Variants in IKZF4 observed in about 807,000 individuals in gnomAD.
The protein encoded by IKZF4 is IKAROS family zinc finger 4.
IKZF4 carries 11 observed loss-of-function variants against 47.7 expected under a neutral mutation model. The observed-to-expected ratio is 0.23, with a 90% CI of 0.15 to 0.38. The LOEUF is 0.38. Among genes scored for constraint, IKZF4 ranks in the 10% least tolerant of loss-of-function variants. The pLI is 1.00. For synonymous variants in IKZF4, 298 were observed against 299.4 expected (o/e 1.00, Z 0.05); for missense variants, 557 against 784.9 (o/e 0.71, Z 3.47).
Position 56,008,696 on chromosome 12 carries a change from C to A in IKZF4, c.-292+962C>A, listed in dbSNP as rs1242828721. Among the ~76,000 whole-genome samples, 4 of 109,046 alleles carry A rather than the reference C, an allele frequency of 3.7e-5. No individual in the cohort carries two copies. The South Asian group carries it at 1.2e-3, about 32-fold the overall frequency. The allele number at this position is 109,046 out of a possible 152,430, so 71.5% of individuals were successfully genotyped here. On this transcript the variant is annotated intron_variant, in intron 1 of 11. Transcript: ENST00000262032. ...ATTTTTTTTTTTTTTTTTTTTGAGACGGAGTTTCACTCTTGTTGCCCAGGC... is the reference window on the plus strand; with the variant it reads ...ATTTTTTTTTTTTTTTTTTTTGAGAAGGAGTTTCACTCTTGTTGCCCAGGC...
rs375886702 is a variant in IKZF4 at position 56,035,341 on chromosome 12, C to T, written c.*10C>T. 1 of 1,597,556 alleles carries T rather than the reference C, an allele frequency of 6.3e-7. No individual in the cohort carries two copies. Among genetic ancestry groups the T allele is most frequent in the Non-Finnish European group, 8.5e-7 (1 of 1,171,088 alleles). ...GCATAAGGTGGGCTAGCAACCTCTC[C>T]CTCTCTCCTCAGTCCACCACTCCAC... is the stretch of plus-strand genomic sequence containing the variant. On this transcript the variant is annotated 3_prime_UTR_variant, in exon 8 of 8. Transcript: ENST00000547167. The surrounding 1 kb of genome is among the most constrained non-coding windows in gnomAD (Gnocchi z 6.1).
At chr12:56,015,958 A>C (rs1463359562) in intron 2 of IKZF4, among the ~76,000 whole-genome samples, 1 of 152,166 alleles carries the variant, frequency 6.6e-6, no homozygotes, top group South Asian at 2.1e-4. Flanking sequence ...AGTCCATCCC[A>C]GGAAGGATGT....
At chr12:56,008,671 A>ATTTTT (rs11456606) in intron 1 of IKZF4, among the ~76,000 whole-genome samples, 2 of 124,600 alleles carry the variant, frequency 1.6e-5, no homozygotes, top group African/African-American at 3.1e-5. Flanking sequence ...CTTCCAGGAA[A>ATTTTT]TTTTTTTTTT....
chr12:56,014,724 G>A (rs1223750962), intron 2 of IKZF4, among the ~76,000 whole-genome samples: 2 of 151,782 alleles, frequency 1.3e-5, no homozygotes, highest in African/African-American at 2.4e-5. Context: ...TTGAACCCGG[G>A]AGCCAAACTC....
At chr12:56,032,880 G>T (rs930742568) in intron 6 of IKZF4, among the ~76,000 whole-genome samples, 170 bp downstream of exon 6, 1 of 152,240 alleles carries the variant, frequency 6.6e-6, no homozygotes, top group African/African-American at 2.4e-5. Context: ...AGTTGGTGGA[G>T]AGCCTTGTCT....
In IKZF4 at chr12:56,021,166, G is replaced by A; in HGVS notation, c.-328G>A. 3.2e-6 allele frequency: 4 copies of A among 1,260,592 alleles called. No homozygotes were observed. The highest frequency in any genetic ancestry group is 4.0e-6 in the Non-Finnish European group (4 of 997,864). 78.1% of individuals were successfully genotyped at this position (1,260,592 alleles called of 1,614,324 possible). ...CACCACCCACCCCCTTCACTGTCTT[G>A]GAAAAGGGATGCTGTAGCCTAGCAT... On this transcript the variant is annotated 5_prime_UTR_variant, in exon 1 of 8. Transcript: ENST00000547167.
chr12:56,027,078 G>T (rs1177122553), intron 4 of IKZF4, 37 bp downstream of exon 4: 13 of 1,464,898 alleles, frequency 8.9e-6, no homozygotes, highest in Non-Finnish European at 1.2e-5. Flanking sequence ...GGAGCTCCCA[G>T]GGTGGGGTTG....
chr12:56,018,301 A>G, upstream of IKZF4: 1 of 590,562 alleles, frequency 1.7e-6, no homozygotes, highest in Non-Finnish European at 2.7e-6. Context: ...GCTAACACTC[A>G]TGCTTGGTGG....
At position 56,033,873 on chromosome 12, in the gene IKZF4, C is replaced by T. The variant is rs779731285; in HGVS notation, c.997+552C>T. On this transcript the variant is annotated intron_variant, in intron 7 of 7. Transcript: ENST00000547167. The stretch of plus-strand genomic sequence containing the variant: ...TCGTGGTGGTTGTAAGGGACAGGGT[C>T]GAGGCATCGGGCTGTCTCAGTTTTT... 3.5e-3 allele frequency among the ~76,000 whole-genome samples: 537 copies of T among 152,042 alleles called. 7 individuals carry two copies. Among genetic ancestry groups the T allele is most frequent in the Non-Finnish European group, 3.7e-3 (254 of 67,976 alleles).
intron 5 of IKZF4, among the ~76,000 whole-genome samples, chr12:56,031,821 A>G (rs1169627756): frequency 1.3e-5 from 2 of 152,180 alleles, no homozygotes; most frequent in African/African-American, 4.8e-5. Flanking sequence ...ATAAACAAAC[A>G]AACCCAAATT....
intron 2 of IKZF4, chr12:56,011,539 C>T (rs1891326781): frequency 6.6e-6 from 1 of 152,128 alleles, no homozygotes; most frequent in African/African-American, 2.4e-5. Flanking sequence ...CAGCTCTTAC[C>T]CCTTTTTATT....
chr12:56,024,024 T>C (rs1893528411), intron 2 of IKZF4: 5 of 712,034 alleles, frequency 7.0e-6, no homozygotes, highest in Non-Finnish European at 8.6e-6. Context: ...TTTATCTACA[T>C]GTATTTTTAT....
At position 56,036,387 on chromosome 12, in the gene IKZF4, A is replaced by G. The variant is rs1158867547; in HGVS notation, c.*1056A>G. ...CAGGGGCTCCTTCAGTCCCCATCCT[A>G]TGAGAAACTAGTGGGTTGCTGCCTG... On this transcript the variant is annotated 3_prime_UTR_variant, in exon 8 of 8. Coordinates refer to ENST00000547167, the MANE Select transcript of IKZF4 (RefSeq NM_022465.4). 1.3e-5 allele frequency: 2 copies of G among 152,298 alleles called. No individual in the cohort carries two copies. The highest frequency in any genetic ancestry group is 4.8e-5 in the African/African-American group (2 of 41,394). 9.4% of individuals were successfully genotyped at this position (152,298 alleles called of 1,614,324 possible).
Position 56,027,914 on chromosome 12 carries a change from G to C in IKZF4, c.682G>C (p.Asp228His). 1 of 1,584,866 alleles carries C rather than the reference G, an allele frequency of 6.3e-7. No individual in the cohort carries two copies. Among genetic ancestry groups the C allele is most frequent in the Non-Finnish European group, 8.6e-7 (1 of 1,165,406 alleles). ...CTGCAACTATGCCTGCCGCCGGCGT[G>C]ATGCACTCACTGGTCACCTCCGCAC... Reference protein sequence around the residue: ...PFCNYACRRRDALTGHLRTHS... With the variant: ...PFCNYACRRRHALTGHLRTHS... The change falls in exon 5 of 8, where the codon GAT (aspartate) becomes CAT (histidine). Residue 228 changes from aspartate (D) to histidine (H), a missense_variant. By Grantham distance (81) the Asp-to-His change is moderately conservative. Coordinates refer to ENST00000547167, the MANE Select transcript of IKZF4 (RefSeq NM_022465.4).
In IKZF4 at chr12:56,035,676, CT is replaced by C; in HGVS notation, c.*348del. The C allele has an allele frequency of 5.0e-6, 1 of 200,346 alleles. No individual in the cohort carries two copies. The highest frequency in any genetic ancestry group is 1.2e-4 in the South Asian group (1 of 8,496). The allele number at this position is 200,346 out of a possible 1,614,324, so 12.4% of individuals were successfully genotyped here. On this transcript the variant is annotated 3_prime_UTR_variant, in exon 8 of 8. Coordinates refer to ENST00000547167, the MANE Select transcript of IKZF4 (RefSeq NM_022465.4). The surrounding 1 kb of genome is among the most constrained non-coding windows in gnomAD (Gnocchi z 6.1). ...CCCTCCTGTCCACAACTCCTTTCCA[CT>C]TTAGGCCAATTTTTCTCTCTTAGAT...
At chr12:56,018,105 A>T (rs771460841), upstream of IKZF4, 10 of 1,282,214 alleles carry the variant, frequency 7.8e-6, no homozygotes, top group Non-Finnish European at 1.0e-5. Flanking sequence ...TTCTAATAGC[A>T]GCTATTTTCT....
rs768590592 is a variant in IKZF4 at position 56,021,438 on chromosome 12, C to G, written c.-56C>G. 3 of 1,554,254 alleles carry G rather than the reference C, an allele frequency of 1.9e-6. No individual in the cohort carries two copies. The highest frequency in any genetic ancestry group is 2.6e-6 in the Non-Finnish European group (3 of 1,149,302). ...GGTTCCCCTCACTTCCAGGAATCCA[C>G]GCTTCCTGGAAGGTGAGTGGCTGGG... On this transcript the variant is annotated 5_prime_UTR_variant, in exon 1 of 8. Transcript: ENST00000547167.
At chr12:56,033,962 C>T (rs933500277) in intron 7 of IKZF4, among the ~76,000 whole-genome samples, 3 of 152,034 alleles carry the variant, frequency 2.0e-5, no homozygotes, top group African/African-American at 4.8e-5. Context: ...TGCAGTGGCA[C>T]GATCTCGGCT....
At chr12:56,030,806 C>G (rs368292238) in intron 5 of IKZF4, among the ~76,000 whole-genome samples, 1 of 151,290 alleles carries the variant, frequency 6.6e-6, no homozygotes, top group Non-Finnish European at 1.5e-5. Flanking sequence ...AGGTGGATAG[C>G]GAGAGGCTGG....
Sources: allele counts gnomAD v4.1 joint callset (sites outside exome capture counted in the v4.1 genomes callset), GRCh38; gene constraint gnomAD v4.1.1; non-coding constraint Gnocchi (gnomAD v3.1); transcripts MANE v1.5; gene names NCBI Gene and HGNC (gene_info 2026-07-23, HGNC 2026-07-21).